The following NBEA variants were observed in gnomAD, a reference collection of about 807,000 sequenced individuals.
NBEA encodes the protein lysosomal-trafficking regulator 2.
In NBEA, 44 loss-of-function variants were observed where a neutral mutation model predicts 343.4. The observed-to-expected ratio is 0.13, with a 90% CI of 0.10 to 0.16. The LOEUF (loss-of-function observed/expected upper bound fraction) is 0.16, where lower values mean the gene tolerates loss of function less well. NBEA is among the 10% of genes least tolerant of loss of function. NBEA has a pLI of 1.00. For synonymous variants in NBEA, 1,175 were observed against 1,238.7 expected (o/e 0.95, Z 1.08); for missense variants, 2,555 against 3,631.3 (o/e 0.70, Z 7.62).
At chr13:34,972,861 A>G (rs916924246) in intron 1 of NBEA, among the ~76,000 whole-genome samples, 2 of 152,170 alleles carry the variant, frequency 1.3e-5, no homozygotes, top group African/African-American at 2.4e-5. Flanking sequence ...GCCTCAGCCC[A>G]GTTCCGAACC....
intron 10 of NBEA, among the ~76,000 whole-genome samples, chr13:35,094,433 A>G (rs1216912517): frequency 1.3e-5 from 2 of 152,084 alleles, no homozygotes; most frequent in Non-Finnish European, 2.9e-5. Flanking sequence ...CTATGTAGGC[A>G]TTGGTCTTCT....
At chr13:35,612,537 T>C (rs890841461) in intron 48 of NBEA, among the ~76,000 whole-genome samples, 1 of 152,210 alleles carries the variant, frequency 6.6e-6, no homozygotes, top group African/African-American at 2.4e-5. Flanking sequence ...AAACATTTAG[T>C]GATTCATTAT....
intron 35 of NBEA, among the ~76,000 whole-genome samples, chr13:35,293,779 A>T (rs530189673): frequency 6.6e-6 from 1 of 151,994 alleles, no homozygotes; most frequent in Non-Finnish European, 1.5e-5. Flanking sequence ...GGAAGTCTCC[A>T]TAAGATATAC....
chr13:34,959,588 GT>G (rs2059597851), intron 1 of NBEA, among the ~76,000 whole-genome samples: 1 of 152,122 alleles, frequency 6.6e-6, no homozygotes, highest in African/African-American at 2.4e-5. Flanking sequence ...TTAGGAGTCT[GT>G]TGAGTAGCTG....
intron 1 of NBEA, among the ~76,000 whole-genome samples, chr13:34,971,063 T>C (rs2059982114): frequency 6.6e-6 from 1 of 152,168 alleles, no homozygotes; most frequent in African/African-American, 2.4e-5. Flanking sequence ...AGCAGTGGTT[T>C]GTAGTTGTCA....
chr13:35,582,285 CA>C (rs1430159626), intron 45 of NBEA, among the ~76,000 whole-genome samples: 1 of 151,662 alleles, frequency 6.6e-6, no homozygotes, highest in Non-Finnish European at 1.5e-5. Context: ...GACTCCATCT[CA>C]AAAAAATAAA....
chr13:35,620,762 G>A (rs867650842), intron 48 of NBEA, among the ~76,000 whole-genome samples: 3 of 152,204 alleles, frequency 2.0e-5, no homozygotes, highest in Middle Eastern at 6.8e-3. Context: ...AGCAGTAAAA[G>A]TAGTAAGAAA....
intron 29 of NBEA, among the ~76,000 whole-genome samples, chr13:35,182,908 C>T (rs1488343161): frequency 6.6e-6 from 1 of 151,864 alleles, no homozygotes; most frequent in Non-Finnish European, 1.5e-5. Flanking sequence ...AGCCAAAATA[C>T]AAATCTTTGT....
chr13:35,176,373 A>G (rs550486771), intron 27 of NBEA, among the ~76,000 whole-genome samples: 1 of 152,202 alleles, frequency 6.6e-6, no homozygotes, highest in East Asian at 1.9e-4. Context: ...AACACACTGT[A>G]TAAGTGAGAA....
intron 41 of NBEA, among the ~76,000 whole-genome samples, chr13:35,498,202 C>A (rs530655087): frequency 1.3e-5 from 2 of 152,100 alleles, no homozygotes; most frequent in African/African-American, 4.8e-5. Context: ...CTTGTAATGT[C>A]CATCTTGTAA....
chr13:35,214,358 T>C (rs1027897469), intron 33 of NBEA, among the ~76,000 whole-genome samples: 6 of 151,952 alleles, frequency 3.9e-5, no homozygotes, highest in African/African-American at 1.4e-4. Context: ...TTTATATTAC[T>C]GTCAGCAATG....
chr13:35,148,297 A>T (rs945461747), intron 18 of NBEA, among the ~76,000 whole-genome samples: 5 of 152,234 alleles, frequency 3.3e-5, no homozygotes, highest in African/African-American at 1.2e-4. Flanking sequence ...ATGCACAAAT[A>T]AAGTTTTATA....
chr13:35,173,191 A>G (rs750046643), intron 26 of NBEA, among the ~76,000 whole-genome samples: 2 of 152,132 alleles, frequency 1.3e-5, no homozygotes, highest in Non-Finnish European at 2.9e-5. Context: ...GGAAGGATAC[A>G]TTGGGGGTTT....
intron 38 of NBEA, among the ~76,000 whole-genome samples, chr13:35,363,561 A>C (rs2040933830): frequency 6.6e-6 from 1 of 151,764 alleles, no homozygotes; most frequent in African/African-American, 2.4e-5. Context: ...AACAGTTCTT[A>C]TATCTTTTGA....
intron 33 of NBEA, among the ~76,000 whole-genome samples, chr13:35,230,038 A>G (rs2074881991): frequency 6.6e-6 from 1 of 152,084 alleles, no homozygotes; most frequent in East Asian, 1.9e-4. Flanking sequence ...TTTGCCCCCT[A>G]TTAGAAAATT....
chr13:35,504,788 T>G (rs1393840360), intron 41 of NBEA, among the ~76,000 whole-genome samples: 1 of 152,060 alleles, frequency 6.6e-6, no homozygotes, highest in Non-Finnish European at 1.5e-5. Flanking sequence ...CTTATTTTTT[T>G]GTAGAGACAG....
chr13:35,277,446 A>T (rs1467883036), intron 34 of NBEA, among the ~76,000 whole-genome samples: 1 of 151,770 alleles, frequency 6.6e-6, no homozygotes, highest in Non-Finnish European at 1.5e-5. Context: ...ACATGGAGAA[A>T]CCCTGTCTCT....
At chr13:35,437,901 A>G (rs1323419751) in intron 39 of NBEA, among the ~76,000 whole-genome samples, 8 of 152,172 alleles carry the variant, frequency 5.3e-5, no homozygotes, top group Non-Finnish European at 1.2e-4. Flanking sequence ...TCAATATTGT[A>G]GTTGTCGAAG....
intron 41 of NBEA, among the ~76,000 whole-genome samples, chr13:35,510,395 G>C (rs2077232374): frequency 6.6e-6 from 1 of 152,106 alleles, no homozygotes; most frequent in Non-Finnish European, 1.5e-5. Context: ...AAATACCTTA[G>C]TGTCCATTTA....
Sources: allele counts gnomAD v4.1 joint callset (sites outside exome capture counted in the v4.1 genomes callset), GRCh38; gene constraint gnomAD v4.1.1; transcripts MANE v1.5; gene names NCBI Gene and HGNC (gene_info 2026-07-23, HGNC 2026-07-21).